The following MORC1 variants were observed in gnomAD, a reference collection of about 807,000 sequenced individuals.
MORC1 encodes the protein MORC family CW-type zinc finger protein 1.
A neutral mutation model predicts 134.9 loss-of-function variants in MORC1; 59 were observed. The observed-to-expected ratio is 0.44, with a 90% CI of 0.35 to 0.54. MORC1 has a LOEUF of 0.54. MORC1 is among the 20% of genes least tolerant of loss of function. The pLI, the probability that MORC1 is intolerant of heterozygous loss-of-function variation, is 0.00. For synonymous variants in MORC1, 395 were observed against 391.7 expected (o/e 1.01, Z -0.10); for missense variants, 947 against 1,134.5 (o/e 0.83, Z 2.37).
At chr3:109,029,195 C>T (rs1949172994) in intron 16 of MORC1, among the ~76,000 whole-genome samples, 1 of 152,132 alleles carries the variant, frequency 6.6e-6, no homozygotes, top group Non-Finnish European at 1.5e-5. Flanking sequence ...TTAATTCCAC[C>T]CACATATGGT....
At chr3:108,985,518 G>A (rs1947873054) in intron 22 of MORC1, among the ~76,000 whole-genome samples, 1 of 152,158 alleles carries the variant, frequency 6.6e-6, no homozygotes, top group Non-Finnish European at 1.5e-5. Flanking sequence ...CAAAGTTCTA[G>A]ATGGTGGGTA....
intron 26 of MORC1, among the ~76,000 whole-genome samples, chr3:108,964,126 T>C (rs1947155087): frequency 6.6e-6 from 1 of 152,186 alleles, no homozygotes; most frequent in African/African-American, 2.4e-5. Flanking sequence ...CTCACTCTCT[T>C]CGGGTTCCTT....
At chr3:109,106,054 G>C (rs1402659557) in intron 3 of MORC1, among the ~76,000 whole-genome samples, 2 of 152,190 alleles carry the variant, frequency 1.3e-5, no homozygotes, top group African/African-American at 4.8e-5. Flanking sequence ...CTCTGCATAA[G>C]GCAGTAGCTC....
chr3:109,098,426 C>T (rs753396341), intron 6 of MORC1, among the ~76,000 whole-genome samples: 21 of 152,160 alleles, frequency 1.4e-4, no homozygotes, highest in Admixed American at 2.6e-4. Flanking sequence ...ACACGGCTTA[C>T]TCCTTTTTAC....
At chr3:109,099,507 T>C in intron 5 of MORC1, 41 bp from the exon 6 acceptor site, 1 of 1,454,892 alleles carries the variant, frequency 6.9e-7, no homozygotes, top group African/African-American at 1.4e-5. Flanking sequence ...ACACCTCAAA[T>C]ACTAAAAAGG....
chr3:108,996,926 C>T (rs1948247770), intron 21 of MORC1, among the ~76,000 whole-genome samples: 2 of 139,250 alleles, frequency 1.4e-5, no homozygotes, highest in Non-Finnish European at 3.0e-5. Flanking sequence ...AGGAGAATGG[C>T]GTGAACCTGG....
chr3:109,093,442 A>G lies in MORC1; in HGVS notation c.683T>C (p.Leu228Pro), dbSNP rs1950767669. Residue 228 changes from leucine (L) to proline (P), a missense_variant, in exon 8 of 28, where the codon CTG becomes CCG. Physicochemically the swap from Leu to Pro is moderately conservative, Grantham distance 98. Around this residue, in one of 3 missense-constraint regions of MORC1, gnomAD observed 214 missense variants for 281.3 expected, o/e 0.76. Transcript: ENST00000232603. ...CTGTCAAACACACACATACTCCTCC[A>G]GAGCTCCAGCCATCAGTATATCTTC... The part of the protein sequence containing the change: ...DKEDILMAGA[L>P]EDFPARWSFR... 1 of 1,610,862 alleles carries G rather than the reference A, an allele frequency of 6.2e-7. No individual in the cohort carries two copies. The highest frequency in any genetic ancestry group is 8.5e-7 in the Non-Finnish European group (1 of 1,177,196).
At chr3:109,002,507 G>C (rs1576619309) in intron 20 of MORC1, among the ~76,000 whole-genome samples, 1 of 152,180 alleles carries the variant, frequency 6.6e-6, no homozygotes, top group East Asian at 1.9e-4. Context: ...CATTTAAGCA[G>C]TATAGAAGAG....
At chr3:109,104,040 C>A in intron 3 of MORC1, 123 bp from the exon 4 acceptor site, 2 of 859,892 alleles carry the variant, frequency 2.3e-6, no homozygotes, top group Non-Finnish European at 1.9e-6. Context: ...AGTTATGGCA[C>A]AAAGATGGAG....
intron 2 of MORC1, among the ~76,000 whole-genome samples, chr3:109,111,050 T>TAAAAAAAAAAA (rs11344763): frequency 5.3e-5 from 6 of 113,864 alleles, no homozygotes; most frequent in South Asian, 3.0e-4. Flanking sequence ...GGATATAATT[T>TAAAAAAAAAAA]AAAAAAAAAA....
chr3:109,026,202 T>C (rs369797866), intron 17 of MORC1, among the ~76,000 whole-genome samples: 44 of 152,242 alleles, frequency 2.9e-4, no homozygotes, highest in Non-Finnish European at 4.1e-4. Flanking sequence ...CAAAAAGATT[T>C]TGTAAAATCT....
chr3:109,011,164 A>G (rs1452341821), intron 17 of MORC1, among the ~76,000 whole-genome samples: 1 of 152,226 alleles, frequency 6.6e-6, no homozygotes, highest in Non-Finnish European at 1.5e-5. Context: ...GCTGTGAGCT[A>G]TAATTGTGCC....
chr3:108,979,780 G>A (rs2953338), intron 23 of MORC1, 113 bp from the exon 24 acceptor site: 924,148 of 1,217,392 alleles, frequency 0.76, 356,200 homozygotes, highest in Middle Eastern at 0.81. Flanking sequence ...ACAAGAACAT[G>A]CGTGTAATGC....
intron 26 of MORC1, among the ~76,000 whole-genome samples, chr3:108,969,254 T>G (rs2107383935): frequency 1.3e-5 from 2 of 152,312 alleles, no homozygotes; most frequent in East Asian, 3.9e-4. Context: ...CTTTTATGTC[T>G]ACTTTTAGAA....
chr3:108,989,823 A>G (rs1947997173), intron 21 of MORC1, among the ~76,000 whole-genome samples: 1 of 152,034 alleles, frequency 6.6e-6, no homozygotes, highest in Admixed American at 6.6e-5. Context: ...TTGGGTTTCT[A>G]GTGTGGGCCA....
chr3:109,030,129 G>C (rs748628925), intron 16 of MORC1, among the ~76,000 whole-genome samples: 11 of 152,100 alleles, frequency 7.2e-5, no homozygotes, highest in Non-Finnish European at 1.3e-4. Context: ...AATAACTACT[G>C]ACAAGAAACC....
intron 8 of MORC1, among the ~76,000 whole-genome samples, chr3:109,086,463 A>G (rs1014369082): frequency 6.6e-6 from 1 of 151,930 alleles, no homozygotes; most frequent in Non-Finnish European, 1.5e-5. Context: ...ATTTGTAGAG[A>G]TGCATTGGTG....
At chr3:109,094,232 G>T (rs896470953) in intron 7 of MORC1, among the ~76,000 whole-genome samples, 1 of 152,122 alleles carries the variant, frequency 6.6e-6, no homozygotes, top group African/African-American at 2.4e-5. Flanking sequence ...AACAAAAAAA[G>T]TCCAAATTAT....
intron 26 of MORC1, among the ~76,000 whole-genome samples, chr3:108,966,213 C>T (rs906881099): frequency 1.1e-4 from 16 of 152,192 alleles, no homozygotes; most frequent in African/African-American, 2.4e-4. Flanking sequence ...AAAGTCTTTC[C>T]GAACTACATT....
Sources: allele counts gnomAD v4.1 joint callset (sites outside exome capture counted in the v4.1 genomes callset), GRCh38; gene constraint gnomAD v4.1.1; regional missense constraint gnomAD v4.1.1; transcripts MANE v1.5; gene names NCBI Gene and HGNC (gene_info 2026-07-23, HGNC 2026-07-21).